The following MCM8 variants were observed in gnomAD, a reference collection of about 807,000 sequenced individuals.
MCM8 encodes minichromosome maintenance 8 homologous recombination repair factor.
MCM8 carries 85 observed loss-of-function variants against 98.9 expected under a neutral mutation model. The observed-to-expected ratio is 0.86, with a 90% CI of 0.72 to 1.03. The LOEUF (loss-of-function observed/expected upper bound fraction) is 1.03. MCM8 is among the 50% of genes least tolerant of loss of function. MCM8 has a pLI of 0.00. For missense variants in MCM8, 951 were observed against 997.8 expected (o/e 0.95, Z 0.63); for synonymous variants, 352 against 338.6 (o/e 1.04, Z -0.44).
intron 7 of MCM8, among the ~76,000 whole-genome samples, chr20:5,961,313 C>T (rs189162359): frequency 1.2e-3 from 190 of 152,244 alleles, no homozygotes; most frequent in Admixed American, 2.8e-3. Context: ...AATGTTTCCT[C>T]GGTGGTACCC....
In MCM8 at chr20:5,977,955, C is replaced by G. The variant is rs2089548856; in HGVS notation, c.1475C>G (p.Ser492Ter). ...ACCTCTGGTCTGACGGTAACTCTTT[C>G]AAAAGATAGTTCCTCTGGAGATTTT... is the stretch of plus-strand genomic sequence containing the variant. ...TTTSGLTVTL[S>*]KDSSSGDFAL... Residue 492 changes from serine to a stop codon, truncating the protein, a stop_gained, in exon 13 of 19, where the codon TCA (serine) becomes TGA (stop). Coordinates refer to ENST00000610722, the MANE Select transcript of MCM8 (RefSeq NM_032485.6). LOFTEE classifies it high-confidence loss of function. 6.2e-7 allele frequency: 1 copy of G among 1,614,226 alleles called. No individual in the cohort carries two copies.
rs1555791184 is a variant in MCM8 at position 5,994,522 on chromosome 20, C to CAG, written c.*132_*133dup. The CAG allele has an allele frequency of 1.2e-5, 7 of 571,296 alleles. No homozygotes were observed. The highest frequency in any genetic ancestry group is 2.3e-5 in the South Asian group (1 of 42,834). 35.4% of individuals were successfully genotyped at this position (571,296 alleles called of 1,614,324 possible). On this transcript the variant is annotated 3_prime_UTR_variant, in exon 19 of 19. Transcript: ENST00000610722. ...ACACACACACACACACACACACACA[C>CAG]AGTCAAATACTGTTCTCTGAAAAAT... is the stretch of plus-strand genomic sequence containing the variant.
intron 13 of MCM8, among the ~76,000 whole-genome samples, chr20:5,981,570 G>A (rs1483830597): frequency 6.6e-6 from 1 of 152,062 alleles, no homozygotes; most frequent in East Asian, 1.9e-4. Flanking sequence ...GAAAAAATGG[G>A]TCAAAATTAC....
At chr20:5,953,162 C>G (rs962800057) in intron 3 of MCM8, among the ~76,000 whole-genome samples, 1 of 152,220 alleles carries the variant, frequency 6.6e-6, no homozygotes, top group Non-Finnish European at 1.5e-5. Flanking sequence ...TTCCTGCCAC[C>G]TTCCCGTCTC....
chr20:5,987,756 G>T (rs1482865345), intron 17 of MCM8, among the ~76,000 whole-genome samples: 1 of 151,958 alleles, frequency 6.6e-6, no homozygotes, highest in Admixed American at 6.6e-5. Context: ...GTATTCTATT[G>T]TGTAGATATA....
Position 5,973,140 on chromosome 20 carries a change from G to A in MCM8, c.1339G>A (p.Asp447Asn), listed in dbSNP as rs2089440905. The A allele has an allele frequency of 3.1e-6, 5 of 1,614,102 alleles. No homozygotes were observed. The East Asian group carries it at 8.9e-5, about 29-fold the overall frequency. Residue 447 changes from aspartate (D) to asparagine (N), a missense_variant, in exon 12 of 19, where the codon GAC becomes AAC. Transcript: ENST00000610722. ...CAAAAACAGAATTCCAATTCGGGGA[G>A]ACCCCCACATCCTTGTTGTTGGAGA... ...DDKNRIPIRG[D>N]PHILVVGDPG...
At chr20:5,991,887 G>A (rs138384455) in intron 17 of MCM8, among the ~76,000 whole-genome samples, 6 of 152,124 alleles carry the variant, frequency 3.9e-5, no homozygotes, top group African/African-American at 7.2e-5. Flanking sequence ...CTTCAGCTTC[G>A]TTCAGTCTTT....
chr20:5,994,209 A>C (rs1233664756), intron 18 of MCM8, 90 bp from the exon 19 acceptor site: 2 of 701,484 alleles, frequency 2.9e-6, no homozygotes, highest in Non-Finnish European at 4.5e-6. Context: ...GAAACTTTAC[A>C]GGTACATATT....
intron 12 of MCM8, among the ~76,000 whole-genome samples, chr20:5,975,189 T>G (rs578076178): frequency 6.6e-6 from 1 of 151,966 alleles, no homozygotes; most frequent in Admixed American, 6.5e-5. Flanking sequence ...AGCCTAGAAG[T>G]TGGAGAATGC....
chr20:5,970,014 T>A (rs2089368321), intron 10 of MCM8, among the ~76,000 whole-genome samples: 1 of 152,206 alleles, frequency 6.6e-6, no homozygotes, highest in Non-Finnish European at 1.5e-5. Context: ...TCCCCCTCCA[T>A]GTTTGTGATT....
Position 5,956,592 on chromosome 20 carries a change from C to T in MCM8, c.487-534C>T, listed in dbSNP as rs193185579. ...TATTTTTAGTAGAGATGGGGTTTCACCATGTTGGTCGGGCTGGTCTCAAAC... is the reference window on the plus strand; with the variant it reads ...TATTTTTAGTAGAGATGGGGTTTCATCATGTTGGTCGGGCTGGTCTCAAAC... On this transcript the variant is annotated intron_variant, in intron 5 of 18. Coordinates refer to ENST00000610722, the MANE Select transcript of MCM8 (RefSeq NM_032485.6). 3.5e-3 allele frequency among the ~76,000 whole-genome samples: 531 copies of T among 152,252 alleles called. 5 individuals carry two copies. Among genetic ancestry groups the T allele is most frequent in the African/African-American group, 0.012 (515 of 41,538 alleles).
Position 5,955,243 on chromosome 20 carries a change from A to G in MCM8, c.478A>G (p.Ile160Val), listed in dbSNP as rs147510471. 7.4e-6 allele frequency: 12 copies of G among 1,612,276 alleles called. No individual in the cohort carries two copies. Among genetic ancestry groups the G allele is most frequent in the South Asian group, 6.6e-5 (6 of 90,400 alleles). ...AACCTTGGCTTGCATGGGTTTGGCA[A>G]TACATCAGGTAACTATTTGTCTTAT... The part of the protein sequence containing the change: ...EKTLACMGLA[I>V]HQVLTKDLER... The change falls in exon 5 of 19, where the codon ATA becomes GTA. Residue 160 changes from isoleucine to valine, a missense_variant. By Grantham distance (29) the Ile-to-Val change is conservative (BLOSUM62 3). Coordinates refer to ENST00000610722, the MANE Select transcript of MCM8 (RefSeq NM_032485.6).
intron 13 of MCM8, among the ~76,000 whole-genome samples, chr20:5,979,852 C>T (rs893406355): frequency 1.7e-4 from 26 of 152,288 alleles, no homozygotes; most frequent in African/African-American, 5.5e-4. Context: ...CTGCCCGTCT[C>T]GCTCAGAGTG....
At chr20:5,973,253 CACAA>C in intron 12 of MCM8, 57 bp downstream of exon 12, 1 of 1,598,224 alleles carries the variant, frequency 6.3e-7, no homozygotes, top group Non-Finnish European at 8.6e-7. Context: ...GTTAATAATT[CACAA>C]GTGAATTTTC....
chr20:5,955,479 C>T (rs1320175417), intron 5 of MCM8, among the ~76,000 whole-genome samples: 2 of 151,840 alleles, frequency 1.3e-5, no homozygotes, highest in Non-Finnish European at 2.9e-5. Flanking sequence ...TATTTACCTC[C>T]AACTTATTTG....
rs2089942662 is a variant in MCM8 at position 5,995,396 on chromosome 20, T to C, written c.*1005T>C. The C allele has an allele frequency of 6.6e-6, 1 of 152,180 alleles. No homozygotes were observed. The highest frequency in any genetic ancestry group is 2.1e-4 in the South Asian group (1 of 4,832). The allele number at this position is 152,180 out of a possible 1,614,324, so 9.4% of individuals were successfully genotyped here. On this transcript the variant is annotated 3_prime_UTR_variant, in exon 19 of 19. Transcript: ENST00000610722. The stretch of plus-strand genomic sequence containing the variant: ...CAATTTGTAAAACCATGCCTTAGAA[T>C]TGGACTAAGGAAGAAGCTGCTGACA...
chr20:5,952,051 A>G lies in MCM8; in HGVS notation c.36A>G (p.Arg12=). 1.2e-6 allele frequency: 2 copies of G among 1,614,104 alleles called. No homozygotes were observed. Among genetic ancestry groups the G allele is most frequent in the East Asian group, 2.2e-5 (1 of 44,866 alleles). Residue 12 remains arginine (R), a synonymous_variant, in exon 2 of 19, where the codon CGA becomes CGG. Coordinates refer to ENST00000610722, the MANE Select transcript of MCM8 (RefSeq NM_032485.6). ...AGTATAGAGGCAGAGGATTTGGACG[A>G]GGAAGATTTCAAAGCTGGAAAAGGG... ...NGEYRGRGFG[R]GRFQSWKRGR...
chr20:5,959,116 C>T (rs1357418582), intron 7 of MCM8, among the ~76,000 whole-genome samples: 1 of 151,556 alleles, frequency 6.6e-6, no homozygotes, highest in Non-Finnish European at 1.5e-5. Context: ...CCCTTTATTT[C>T]TTCTACTATT....
chr20:5,991,205 C>G (rs2089845347), intron 17 of MCM8: 1 of 152,236 alleles, frequency 6.6e-6, no homozygotes, highest in African/African-American at 2.4e-5. Flanking sequence ...GTTCTCCTAT[C>G]TGAGCATCAT....
Sources: allele counts gnomAD v4.1 joint callset (sites outside exome capture counted in the v4.1 genomes callset), GRCh38; gene constraint gnomAD v4.1.1; transcripts MANE v1.5; gene names NCBI Gene and HGNC (gene_info 2026-07-23, HGNC 2026-07-21).